The following KRTAP19-7 variants were observed in gnomAD, a reference collection of about 807,000 sequenced individuals.
KRTAP19-7 encodes keratin-associated protein 19-7.
For synonymous variants in KRTAP19-7, 38 were observed against 31.6 expected, an observed-to-expected ratio of 1.20 and a Z score of -0.67; for missense variants, 76 against 78.5, an observed-to-expected ratio of 0.97 and a Z score of 0.12.
At position 30,560,938 on chromosome 21, in the gene KRTAP19-7, T is replaced by C. The variant is rs369261149; in HGVS notation, c.*160A>G. Reference sequence around the variant, plus strand: ...TATCTGGAGAACATCACTAATCAAATGCCAATATCTAGTTGATCAAGTTTT... The same window carrying C: ...TATCTGGAGAACATCACTAATCAAACGCCAATATCTAGTTGATCAAGTTTT... On this transcript the variant is annotated 3_prime_UTR_variant, in exon 1 of 1. Transcript: ENST00000334849. The C allele has an allele frequency of 1.5e-5, 10 of 684,422 alleles. No individual in the cohort carries two copies. Among genetic ancestry groups the C allele is most frequent in the Middle Eastern group, 4.1e-4 (1 of 2,416 alleles). The allele number at this position is 684,422 out of a possible 1,614,324, so 42.4% of individuals were successfully genotyped here.
In KRTAP19-7 at chr21:30,561,157, T is replaced by C; in HGVS notation, c.133A>G (p.Arg45Gly). 2.5e-6 allele frequency: 4 copies of C among 1,614,144 alleles called. No individual in the cohort carries two copies. Among genetic ancestry groups the C allele is most frequent in the Non-Finnish European group, 3.4e-6 (4 of 1,179,986 alleles). Residue 45 changes from arginine to glycine, a missense_variant, in exon 1 of 1, where the codon AGA becomes GGA. Coordinates refer to ENST00000334849, the MANE Select transcript of KRTAP19-7 (RefSeq NM_181614.3). Reference sequence around the variant, plus strand: ...CATGATGGGTGGCAGCAGCTGTATCTGTAGCCTCCATAGCCACAGCCATAG... The same window carrying C: ...CATGATGGGTGGCAGCAGCTGTATCCGTAGCCTCCATAGCCACAGCCATAG... ...LGYGCGYGGYRYSCCHPSCYG... is the reference protein window; with the variant it reads ...LGYGCGYGGYGYSCCHPSCYG...
In KRTAP19-7 at chr21:30,561,275, G is replaced by T. The variant is rs1394950002; in HGVS notation, c.15C>A (p.Gly5=). 2 of 1,613,864 alleles carry T rather than the reference G, an allele frequency of 1.2e-6. No homozygotes were observed. The highest frequency in any genetic ancestry group is 1.7e-6 in the Non-Finnish European group (2 of 1,179,946). Residue 5 remains glycine (G), a synonymous_variant, in exon 1 of 1, where the codon GGC becomes GGA. Coordinates refer to ENST00000334849, the MANE Select transcript of KRTAP19-7 (RefSeq NM_181614.3). MSYS[G]SYYGGLGYGC... ...CGTAGCCTAGGCCTCCATAGTAGCT[G>T]CCGGAGTAGCTCATGTTGTCAGAAG...
the KRTAP19-7 span, chr21:30,561,149 GC>G: frequency 6.2e-7 from 1 of 1,614,150 alleles, no homozygotes; most frequent in Non-Finnish European, 8.5e-7. Flanking sequence ...GGTGGCAGCA[GC>G]TGTATCTGTA....
In KRTAP19-7 at chr21:30,560,973, A is replaced by G. The variant is rs891822241; in HGVS notation, c.*125T>C. On this transcript the variant is annotated 3_prime_UTR_variant, in exon 1 of 1. Transcript: ENST00000334849. ...TAGTTGATCAAGTTTTCTTCACACT[A>G]TTGTCAAAAGGCAGGTGATCCAAGC... 66 of 922,526 alleles carry G rather than the reference A, an allele frequency of 7.2e-5. No individual in the cohort carries two copies. Among genetic ancestry groups the G allele is most frequent in the South Asian group, 6.3e-4 (41 of 65,238 alleles). The allele number at this position is 922,526 out of a possible 1,614,324, so 57.1% of individuals were successfully genotyped here.
chr21:30,561,116 C>T, the KRTAP19-7 span: 3 of 1,614,016 alleles, frequency 1.9e-6, no homozygotes, highest in East Asian at 2.2e-5. Flanking sequence ...ATCCAGAAGA[C>T]CAGTATCCCC....
Position 30,561,102 on chromosome 21 carries a change from T to C in KRTAP19-7, c.188A>G (p.Tyr63Cys). The C allele has an allele frequency of 1.2e-6, 2 of 1,613,810 alleles. No individual in the cohort carries two copies. Among genetic ancestry groups the C allele is most frequent in the South Asian group, 2.2e-5 (2 of 91,066 alleles). Residue 63 changes from tyrosine to cysteine, a missense_variant, in exon 1 of 1, where the codon TAT (tyrosine) becomes TGT (cysteine). Coordinates refer to ENST00000334849, the MANE Select transcript of KRTAP19-7 (RefSeq NM_181614.3). Reference protein sequence around the residue: ...CYGGYWSSGFY With the variant: ...CYGGYWSSGFC ...GACTATATTTCAAGTATTTATTCAA[T>C]AGAATCCAGAAGACCAGTATCCCCC...
Position 30,561,167 on chromosome 21 carries a change from A to G in KRTAP19-7, c.123T>C (p.Tyr41=), listed in dbSNP as rs1017813528. Reference sequence around the variant, plus strand: ...GGCAGCAGCTGTATCTGTAGCCTCCATAGCCACAGCCATAGCCCAGTCTGC... The same window carrying G: ...GGCAGCAGCTGTATCTGTAGCCTCCGTAGCCACAGCCATAGCCCAGTCTGC... The part of the protein sequence containing the change: ...SFRRLGYGCG[Y]GGYRYSCCHP... Residue 41 remains tyrosine, a synonymous_variant, in exon 1 of 1, where the codon TAT becomes TAC. Transcript: ENST00000334849. 3.1e-6 allele frequency: 5 copies of G among 1,614,022 alleles called. No homozygotes were observed. In the African/African-American group the frequency reaches 4.0e-5, roughly 13 times the overall value.
chr21:30,561,002 T>C lies in KRTAP19-7; in HGVS notation c.*96A>G. 8.1e-7 allele frequency: 1 copy of C among 1,240,270 alleles called. No individual in the cohort carries two copies. Among genetic ancestry groups the C allele is most frequent in the Non-Finnish European group, 1.2e-6 (1 of 864,734 alleles). 76.8% of individuals were successfully genotyped at this position (1,240,270 alleles called of 1,614,324 possible). Reference sequence around the variant, plus strand: ...TCAAAAGGCAGGTGATCCAAGCAGCTGTTTTGTTATGGAATATGGAATTCC... The same window carrying C: ...TCAAAAGGCAGGTGATCCAAGCAGCCGTTTTGTTATGGAATATGGAATTCC... On this transcript the variant is annotated 3_prime_UTR_variant, in exon 1 of 1. Transcript: ENST00000334849.
rs1405694926 is a variant in KRTAP19-7 at position 30,560,939 on chromosome 21, G to A, written c.*159C>T. On this transcript the variant is annotated 3_prime_UTR_variant, in exon 1 of 1. Coordinates refer to ENST00000334849, the MANE Select transcript of KRTAP19-7 (RefSeq NM_181614.3). ...ATCTGGAGAACATCACTAATCAAAT[G>A]CCAATATCTAGTTGATCAAGTTTTC... The A allele has an allele frequency of 4.4e-5, 30 of 687,108 alleles. No individual in the cohort carries two copies. Among genetic ancestry groups the A allele is most frequent in the Non-Finnish European group, 6.4e-5 (26 of 403,284 alleles). 42.6% of individuals were successfully genotyped at this position (687,108 alleles called of 1,614,324 possible). A position where few individuals can be genotyped will look rare whatever the true frequency, so the allele number is the denominator to read the frequency against.
Sources: allele counts gnomAD v4.1 joint callset, GRCh38; gene constraint gnomAD v4.1.1; transcripts MANE v1.5; gene names NCBI Gene and HGNC (gene_info 2026-07-23, HGNC 2026-07-21).